The following FLT1 variants were observed in gnomAD, a reference collection of about 807,000 sequenced individuals.
The protein encoded by FLT1 is vascular endothelial growth factor receptor 1.
In FLT1, 49 loss-of-function variants were observed where a neutral mutation model predicts 156.3. That is an observed-to-expected ratio of 0.31 (90% confidence interval 0.25 to 0.40). The LOEUF is 0.40. FLT1 is among the 10% of genes least tolerant of loss of function. The probability of loss-of-function intolerance (pLI) is 1.00; values close to 1 mark genes in which losing one functional copy is unlikely to be tolerated. For synonymous variants in FLT1, 594 were observed against 583.8 expected (o/e 1.02, Z -0.25); for missense variants, 1,322 against 1,637.2 (o/e 0.81, Z 3.32).
chr13:28,461,363 A>G (rs573175911), intron 3 of FLT1, among the ~76,000 whole-genome samples: 54 of 152,330 alleles, frequency 3.5e-4, no homozygotes, highest in African/African-American at 1.2e-3. Context: ...ACTCCAGTAC[A>G]GGGGAAATAG....
intron 14 of FLT1, among the ~76,000 whole-genome samples, chr13:28,382,953 G>T (rs959899078): frequency 5.3e-5 from 8 of 152,032 alleles, no homozygotes; most frequent in Admixed American, 1.3e-4. Context: ...TCAAATGGAG[G>T]TTTCATTTTG....
chr13:28,388,897 T>C, intron 13 of FLT1: 1 of 1,064,360 alleles, frequency 9.4e-7, no homozygotes, highest in Non-Finnish European at 1.1e-6. Context: ...TCCACTTTCT[T>C]TCAGCTGCCA....
chr13:28,374,703 C>G (rs937112826), intron 14 of FLT1, among the ~76,000 whole-genome samples: 1 of 151,976 alleles, frequency 6.6e-6, no homozygotes, highest in African/African-American at 2.4e-5. Flanking sequence ...TTAGTAGAGA[C>G]AGGGTTTCAC....
intron 10 of FLT1, among the ~76,000 whole-genome samples, chr13:28,409,318 C>G (rs1479229058): frequency 6.6e-6 from 1 of 152,006 alleles, no homozygotes; most frequent in East Asian, 1.9e-4. Context: ...AAAGGCAAAG[C>G]CAACAGAGGT....
At chr13:28,403,552 A>C (rs1875595787) in intron 11 of FLT1, among the ~76,000 whole-genome samples, 1 of 152,190 alleles carries the variant, frequency 6.6e-6, no homozygotes, top group African/African-American at 2.4e-5. Context: ...CCAAAATAGC[A>C]CTAGAAGTTA....
chr13:28,425,226 G>A (rs962557187), intron 10 of FLT1, among the ~76,000 whole-genome samples: 7 of 152,120 alleles, frequency 4.6e-5, no homozygotes, highest in East Asian at 1.9e-4. Context: ...AAGCAGCAAC[G>A]TATTAAAGAA....
chr13:28,461,446 G>A (rs1028270570), intron 3 of FLT1, among the ~76,000 whole-genome samples: 7 of 152,130 alleles, frequency 4.6e-5, no homozygotes, highest in African/African-American at 1.7e-4. Flanking sequence ...AGTCACTGAG[G>A]TTGTTTTCTC....
chr13:28,390,288 G>A (rs1239169954), intron 12 of FLT1, among the ~76,000 whole-genome samples, 184 bp from the exon 13 acceptor site: 6 of 152,220 alleles, frequency 3.9e-5, no homozygotes, highest in African/African-American at 9.6e-5. Flanking sequence ...TCCATCAGAA[G>A]TGAGGTAGGA....
rs376312894 is a variant in FLT1 at position 28,390,227 on chromosome 13, G to A, written c.1661-123C>T. The A allele has an allele frequency of 1.1e-4, 139 of 1,314,632 alleles. 2 individuals carry two copies. The East Asian group carries it at 1.4e-3, about 13-fold the overall frequency. The allele number at this position is 1,314,632 out of a possible 1,614,324, so 81.4% of individuals were successfully genotyped here. On this transcript the variant is annotated intron_variant, in intron 12 of 29. Coordinates refer to ENST00000282397, the MANE Select transcript of FLT1 (RefSeq NM_002019.4). ...TCAGTATCCACATTAAAAAGGATGA[G>A]TATTTGGGGTAAATGAGCAAACACA...
At chr13:28,440,116 C>T (rs1482604696) in intron 3 of FLT1, among the ~76,000 whole-genome samples, 1 of 152,196 alleles carries the variant, frequency 6.6e-6, no homozygotes, top group African/African-American at 2.4e-5. Flanking sequence ...CTTCTCCACC[C>T]TAGCCCACAT....
intron 15 of FLT1, among the ~76,000 whole-genome samples, chr13:28,351,740 T>C (rs184258912): frequency 1.6e-4 from 25 of 152,364 alleles, no homozygotes; most frequent in East Asian, 9.6e-4. Flanking sequence ...ACATTTCTTT[T>C]TTCACAAGTT....
intron 11 of FLT1, among the ~76,000 whole-genome samples, chr13:28,397,290 G>A (rs749299001): frequency 1.3e-5 from 2 of 152,144 alleles, no homozygotes; most frequent in Non-Finnish European, 2.9e-5. Context: ...TATGACATCC[G>A]ACTCATATGA....
intron 1 of FLT1, among the ~76,000 whole-genome samples, chr13:28,472,747 C>T (rs1410037317): frequency 2.0e-5 from 3 of 152,118 alleles, no homozygotes; most frequent in South Asian, 2.1e-4. Context: ...TGGCCATGGG[C>T]GGGCCACATT....
chr13:28,374,989 G>C (rs904079709), intron 14 of FLT1, among the ~76,000 whole-genome samples: 6 of 152,172 alleles, frequency 3.9e-5, no homozygotes, highest in African/African-American at 1.2e-4. Context: ...TGATCCCTCA[G>C]TTGGACCTTA....
At chr13:28,473,663 AAGAAAGAAAG>A (rs1188275063) in intron 1 of FLT1, among the ~76,000 whole-genome samples, 2 of 138,422 alleles carry the variant, frequency 1.4e-5, no homozygotes, top group African/African-American at 2.7e-5. Context: ...GAAAGAAAGA[AAGAAAGAAAG>A]AGAGAGAGAG....
chr13:28,376,168 A>G (rs1873830513), intron 14 of FLT1, among the ~76,000 whole-genome samples: 1 of 152,206 alleles, frequency 6.6e-6, no homozygotes, highest in South Asian at 2.1e-4. Context: ...GTGCCTACAG[A>G]TGCAGACATT....
chr13:28,319,122 T>C (rs963556917), intron 24 of FLT1, among the ~76,000 whole-genome samples: 1 of 152,082 alleles, frequency 6.6e-6, no homozygotes, highest in Non-Finnish European at 1.5e-5. Flanking sequence ...AAGGACAGAA[T>C]TGGGCAAAGT....
At chr13:28,473,093 A>G (rs76207698) in intron 1 of FLT1, among the ~76,000 whole-genome samples, 4,152 of 152,294 alleles carry the variant, frequency 0.027, 181 homozygotes, top group African/African-American at 0.095. Flanking sequence ...TAAAAAAGAC[A>G]GATAAGAACA....
At chr13:28,473,839 GAAGA>G (rs1301907665) in intron 1 of FLT1, among the ~76,000 whole-genome samples, 166 of 83,530 alleles carry the variant, frequency 2.0e-3, no homozygotes, top group Non-Finnish European at 1.9e-3. Flanking sequence ...AGAAAGAAAG[GAAGA>G]AAGAAAGAAA....
Sources: gnomAD v4.1 joint callset for allele counts (sites outside exome capture counted in the v4.1 genomes callset) on GRCh38, gnomAD v4.1.1 for gene constraint, MANE v1.5 for transcripts, NCBI Gene and HGNC (gene_info 2026-07-23, HGNC 2026-07-21) for gene names.